CNTN1: variants seen among roughly 807,000 people sequenced by gnomAD.
CNTN1 encodes contactin 1.
A neutral mutation model predicts 126.4 loss-of-function variants in CNTN1; 38 were observed. The observed-to-expected ratio is 0.30, with a 90% confidence interval of 0.23 to 0.39. The LOEUF is 0.39. CNTN1 is among the 10% of genes least tolerant of loss of function. CNTN1 has a pLI of 1.00. For missense variants in CNTN1, 1,009 were observed against 1,248.4 expected, an observed-to-expected ratio of 0.81 and a Z score of 2.89; for synonymous variants, 413 against 422.6, an observed-to-expected ratio of 0.98 and a Z score of 0.28.
Position 40,803,222 on chromosome 12 carries a change from C to T in CNTN1, c.-76-105135C>T, listed in dbSNP as rs907154171. 2.0e-5 allele frequency among the ~76,000 whole-genome samples: 3 copies of T among 151,068 alleles called. No homozygotes were observed. The East Asian group carries it at 5.9e-4, about 29-fold the overall frequency. The stretch of plus-strand genomic sequence containing the variant: ...TAGATCTCTTCAGTTAGGGCATGAA[C>T]AAGATGAATGTTTTCCTCACAAATT... On this transcript the variant is annotated intron_variant, in intron 1 of 23. Transcript: ENST00000551295.
At chr12:40,793,919 C>T (rs368233205) in intron 1 of CNTN1, among the ~76,000 whole-genome samples, 3 of 151,610 alleles carry the variant, frequency 2.0e-5, no homozygotes, top group South Asian at 4.2e-4. Context: ...ATTACTTTTG[C>T]ACCAACCTAA....
chr12:40,798,658 A>G (rs1388804055), intron 1 of CNTN1, among the ~76,000 whole-genome samples: 1 of 152,018 alleles, frequency 6.6e-6, no homozygotes, highest in African/African-American at 2.4e-5. Context: ...CAAATACTGC[A>G]TGTTCTCACT....
At chr12:40,924,947 AT>A (rs1462353349) in intron 6 of CNTN1, among the ~76,000 whole-genome samples, 1 of 145,996 alleles carries the variant, frequency 6.8e-6, no homozygotes, top group Non-Finnish European at 1.5e-5. Context: ...ATTCTGTTAG[AT>A]TTTCTAGAAA....
chr12:40,934,801 A>G (rs941302371), intron 9 of CNTN1, among the ~76,000 whole-genome samples: 1 of 151,924 alleles, frequency 6.6e-6, no homozygotes, highest in Non-Finnish European at 1.5e-5. Flanking sequence ...CTCCACAGAA[A>G]CCTTTCTTTT....
chr12:40,886,167 T>C (rs1377282685), intron 1 of CNTN1, among the ~76,000 whole-genome samples: 1 of 152,118 alleles, frequency 6.6e-6, no homozygotes, highest in Non-Finnish European at 1.5e-5. Context: ...TTTTTGATTG[T>C]TGTAAATACA....
At chr12:40,999,952 C>G (rs566108031) in intron 17 of CNTN1, among the ~76,000 whole-genome samples, 1 of 151,878 alleles carries the variant, frequency 6.6e-6, no homozygotes, top group South Asian at 2.1e-4. Flanking sequence ...GTGATCCGCC[C>G]GCCTCAGCCT....
At chr12:41,044,727 C>T (rs533770543) in intron 23 of CNTN1, among the ~76,000 whole-genome samples, 2 of 152,042 alleles carry the variant, frequency 1.3e-5, no homozygotes, top group East Asian at 3.9e-4. Flanking sequence ...AAAAGGACGT[C>T]AGAAATTAAA....
intron 23 of CNTN1, among the ~76,000 whole-genome samples, chr12:41,053,428 A>ATATATATATATAT (rs1949730499): frequency 1.2e-4 from 8 of 64,110 alleles, no homozygotes; most frequent in African/African-American, 4.5e-4. Context: ...GTTTTCACTA[A>ATATATATATATAT]ATATATATAT....
chr12:41,038,917 G>A (rs1171684064), intron 23 of CNTN1, among the ~76,000 whole-genome samples: 1 of 151,996 alleles, frequency 6.6e-6, no homozygotes, highest in Non-Finnish European at 1.5e-5. Flanking sequence ...AATAAAGTGA[G>A]AGAAAAGTTG....
intron 17 of CNTN1, among the ~76,000 whole-genome samples, chr12:40,994,801 T>C (rs1948172979): frequency 1.3e-5 from 2 of 152,030 alleles, no homozygotes; most frequent in South Asian, 4.1e-4. Flanking sequence ...TCTAGTATCA[T>C]AGTTAAGGTT....
chr12:40,817,455 G>T (rs1342029885), intron 1 of CNTN1, among the ~76,000 whole-genome samples: 2 of 135,350 alleles, frequency 1.5e-5, no homozygotes, highest in South Asian at 2.5e-4. Context: ...TTTTGTCAGA[G>T]ACTAGGATTG....
chr12:41,027,823 G>C, intron 21 of CNTN1, 34 bp from the exon 22 acceptor site: 1 of 1,270,982 alleles, frequency 7.9e-7, no homozygotes, highest in Non-Finnish European at 1.2e-6. Flanking sequence ...ATTGGATATA[G>C]TGACCACTGA....
chr12:41,030,115 A>T (rs1261613428), intron 23 of CNTN1, among the ~76,000 whole-genome samples: 1 of 151,998 alleles, frequency 6.6e-6, no homozygotes, highest in Admixed American at 6.6e-5. Flanking sequence ...AAACCCCATG[A>T]CACAAGTTTA....
chr12:40,917,650 C>A (rs1374594460), intron 3 of CNTN1, among the ~76,000 whole-genome samples: 1 of 152,074 alleles, frequency 6.6e-6, no homozygotes, highest in Admixed American at 6.6e-5. Flanking sequence ...ATTCCAGTGA[C>A]CTGTAAGAAT....
chr12:40,966,034 A>T (rs1477735820), intron 15 of CNTN1, among the ~76,000 whole-genome samples: 1 of 150,734 alleles, frequency 6.6e-6, no homozygotes, highest in Non-Finnish European at 1.5e-5. Flanking sequence ...ACACACACAC[A>T]CACACGCACG....
At chr12:41,011,221 T>C (rs920511592) in intron 17 of CNTN1, among the ~76,000 whole-genome samples, 2 of 152,200 alleles carry the variant, frequency 1.3e-5, no homozygotes, top group African/African-American at 4.8e-5. Context: ...CTCAGATGGC[T>C]CCTCTGGAAG....
intron 1 of CNTN1, among the ~76,000 whole-genome samples, chr12:40,820,471 C>G (rs778186373): frequency 8.5e-5 from 13 of 152,108 alleles, no homozygotes; most frequent in Non-Finnish European, 1.6e-4. Context: ...ACTATAGGAC[C>G]TGGAGTGTAG....
At chr12:40,830,732 G>T (rs7961659) in intron 1 of CNTN1, among the ~76,000 whole-genome samples, 2 of 138,396 alleles carry the variant, frequency 1.4e-5, no homozygotes, top group Non-Finnish European at 3.1e-5. Flanking sequence ...TACTTATGTT[G>T]TAATAAATTG....
intron 1 of CNTN1, among the ~76,000 whole-genome samples, chr12:40,752,425 T>C (rs1001717952): frequency 1.3e-5 from 2 of 152,110 alleles, no homozygotes; most frequent in African/African-American, 4.8e-5. Flanking sequence ...GAATGTCGAT[T>C]ATGTAAAGGC....
Sources: gnomAD v4.1 joint callset for allele counts (sites outside exome capture counted in the v4.1 genomes callset) on GRCh38, gnomAD v4.1.1 for gene constraint, MANE v1.5 for transcripts, NCBI Gene and HGNC (gene_info 2026-07-23, HGNC 2026-07-21) for gene names.